ATG13: variants seen among roughly 807,000 people sequenced by gnomAD.
The protein encoded by ATG13 is autophagy related 13.
Under a neutral mutation model 65.5 loss-of-function variants are expected in ATG13, and 23 were observed. The ratio of observed to expected loss-of-function variants is 0.35; its 90% CI spans 0.25 to 0.50. The LOEUF is 0.50. Among genes scored for constraint, ATG13 ranks in the 20% least tolerant of loss-of-function variants. The pLI, the probability that ATG13 is intolerant of heterozygous loss-of-function variation, is 0.98. For synonymous variants in ATG13, 252 were observed against 245.2 expected (o/e 1.03, Z -0.26); for missense variants, 566 against 677.0 (o/e 0.84, Z 1.82).
At chr11:46,656,044 A>G (rs2059988610) in intron 7 of ATG13, among the ~76,000 whole-genome samples, 189 bp from the exon 8 acceptor site, 1 of 152,006 alleles carries the variant, frequency 6.6e-6, no homozygotes, top group African/African-American at 2.4e-5. Flanking sequence ...TTTTTAACCA[A>G]CCCACTCTGT....
chr11:46,641,177 G>T (rs2055861096), intron 2 of ATG13, among the ~76,000 whole-genome samples: 1 of 152,064 alleles, frequency 6.6e-6, no homozygotes, highest in Non-Finnish European at 1.5e-5. Context: ...GGTTCAAGCA[G>T]TTCTCTGCCT....
intron 2 of ATG13, among the ~76,000 whole-genome samples, chr11:46,635,226 G>A (rs372713863): frequency 4.0e-5 from 6 of 150,346 alleles, no homozygotes; most frequent in East Asian, 2.0e-4. Flanking sequence ...GGCTGGTCTC[G>A]AACTCCTGAC....
intron 11 of ATG13, among the ~76,000 whole-genome samples, chr11:46,660,798 T>A (rs1476969243): frequency 2.0e-5 from 3 of 151,356 alleles, no homozygotes; most frequent in Admixed American, 2.0e-4. Context: ...AGCCTAGACC[T>A]CCCAGGGTCA....
intron 9 of ATG13, 70 bp downstream of exon 9, chr11:46,657,261 A>T: frequency 7.2e-7 from 1 of 1,382,760 alleles, no homozygotes; most frequent in African/African-American, 1.4e-5. Flanking sequence ...CCTAAACTTT[A>T]AGACTAAACC....
intron 2 of ATG13, among the ~76,000 whole-genome samples, chr11:46,636,207 CTT>C (rs1445607178): frequency 2.0e-5 from 3 of 152,086 alleles, no homozygotes; most frequent in Non-Finnish European, 4.4e-5. Context: ...TCTCTCACAT[CTT>C]TTATTTCTCC....
At chr11:46,630,567 G>GTTTTT (rs1591546997) in intron 2 of ATG13, among the ~76,000 whole-genome samples, 3 of 95,236 alleles carry the variant, frequency 3.2e-5, no homozygotes, top group East Asian at 2.2e-4. Context: ...GAAATTAGAG[G>GTTTTT]CTTTTTTTTT....
chr11:46,621,346 T>C (rs1591374112), intron 1 of ATG13, among the ~76,000 whole-genome samples: 1 of 152,310 alleles, frequency 6.6e-6, no homozygotes. Context: ...GTTGATACTT[T>C]CTTTTTACAT....
chr11:46,622,125 A>T (rs5791735), intron 1 of ATG13, among the ~76,000 whole-genome samples: 1,747 of 78,826 alleles, frequency 0.022, 50 homozygotes, highest in African/African-American at 0.079. Flanking sequence ...ATATATATAT[A>T]TATTTATTTT....
At chr11:46,643,612 C>G (rs936058164) in intron 2 of ATG13, among the ~76,000 whole-genome samples, 1 of 130,834 alleles carries the variant, frequency 7.6e-6, no homozygotes, top group Non-Finnish European at 1.6e-5. Context: ...CCTGGGAGGG[C>G]TTTTTTTTTT....
At chr11:46,646,231 C>G (rs2057499279) in intron 5 of ATG13, among the ~76,000 whole-genome samples, 2 of 152,164 alleles carry the variant, frequency 1.3e-5, no homozygotes, top group African/African-American at 4.8e-5. Context: ...TCACTGCAAC[C>G]TCTGCCTCCC....
At position 46,669,504 on chromosome 11, in the gene ATG13, T is replaced by C. The variant is rs374790345; in HGVS notation, c.1547T>C (p.Ile516Thr). 12 of 1,614,088 alleles carry C rather than the reference T, an allele frequency of 7.4e-6. No homozygotes were observed. The highest frequency in any genetic ancestry group is 2.2e-5 in the South Asian group (2 of 91,078). The change falls in exon 18 of 19, where the codon ATT becomes ACT. Residue 516 changes from isoleucine to threonine, a missense_variant. Transcript: ENST00000683050. ...CAGCTGAGCAGCCTCTCCATAGATA[T>C]TGGAGCACAGTCCATGGCTGAAGAC... The part of the protein sequence containing the change: ...PPQLSSLSID[I>T]GAQSMAEDLD...
intron 1 of ATG13, among the ~76,000 whole-genome samples, chr11:46,618,820 T>C (rs1233673277): frequency 6.6e-6 from 1 of 151,956 alleles, no homozygotes; most frequent in South Asian, 2.1e-4. Context: ...TTTTAAAATT[T>C]TTATTATTAT....
chr11:46,649,453 A>G (rs911935898), intron 6 of ATG13, among the ~76,000 whole-genome samples: 2 of 152,236 alleles, frequency 1.3e-5, no homozygotes, highest in African/African-American at 4.8e-5. Context: ...GTTTTCCCAG[A>G]GTACAGCTAG....
At chr11:46,622,076 C>CCTAT (rs1275762307) in intron 1 of ATG13, among the ~76,000 whole-genome samples, 1 of 71,848 alleles carries the variant, frequency 1.4e-5, no homozygotes, top group Non-Finnish European at 2.7e-5. Context: ...TATTTATTTA[C>CCTAT]ATATATATAT....
At chr11:46,619,298 C>T (rs1023688388) in intron 1 of ATG13, among the ~76,000 whole-genome samples, 3 of 149,430 alleles carry the variant, frequency 2.0e-5, no homozygotes, top group Non-Finnish European at 1.5e-5. Context: ...ATTTTAAGTC[C>T]CTAAAGGGAT....
chr11:46,618,132 G>A (rs2045932441), intron 1 of ATG13: 1 of 377,302 alleles, frequency 2.7e-6, no homozygotes, highest in African/African-American at 2.1e-5. Flanking sequence ...AGCTCCTTGG[G>A]TTAGGTCGTC....
chr11:46,672,681 G>C lies in ATG13; in HGVS notation c.*349G>C, dbSNP rs780218676. On this transcript the variant is annotated 3_prime_UTR_variant, in exon 19 of 19. Coordinates refer to ENST00000683050, the MANE Select transcript of ATG13 (RefSeq NM_001346311.2). ...TGCTGCCGGCCTCCTGCCTGGGCCTGCCTTGCAGCTGGCCCCTTCCCTGCC... is the reference window on the plus strand; with the variant it reads ...TGCTGCCGGCCTCCTGCCTGGGCCTCCCTTGCAGCTGGCCCCTTCCCTGCC... The C allele has an allele frequency of 7.3e-7, 1 of 1,370,842 alleles. No homozygotes were observed. The highest frequency in any genetic ancestry group is 9.7e-7 in the Non-Finnish European group (1 of 1,035,376). The allele number at this position is 1,370,842 out of a possible 1,614,324, so 84.9% of individuals were successfully genotyped here. A position where few individuals can be genotyped will look rare whatever the true frequency, so the allele number is the denominator to read the frequency against.
chr11:46,669,877 G>C (rs1414636529), intron 18 of ATG13, among the ~76,000 whole-genome samples: 1 of 152,158 alleles, frequency 6.6e-6, no homozygotes, highest in Non-Finnish European at 1.5e-5. Context: ...GTGGTACTGG[G>C]CAGAGGAGAT....
At chr11:46,666,483 A>T (rs2062387515) in intron 14 of ATG13, among the ~76,000 whole-genome samples, 1 of 152,190 alleles carries the variant, frequency 6.6e-6, no homozygotes, top group Admixed American at 6.5e-5. Context: ...AAAAAATGTA[A>T]ATCTTTGTCT....
Sources: allele counts gnomAD v4.1 joint callset (sites outside exome capture counted in the v4.1 genomes callset), GRCh38; gene constraint gnomAD v4.1.1; transcripts MANE v1.5; gene names NCBI Gene and HGNC (gene_info 2026-07-23, HGNC 2026-07-21).